SPATA16: variants seen among roughly 807,000 people sequenced by gnomAD.
SPATA16 encodes spermatogenesis-associated protein 16.
SPATA16 carries 36 observed loss-of-function variants against 63.3 expected under a neutral mutation model. That is an observed-to-expected ratio of 0.57 (90% CI 0.44 to 0.75). The LOEUF is 0.75. Ranked by LOEUF, SPATA16 falls within the 30% of genes least tolerant of loss-of-function variation. The pLI is 0.00. For synonymous variants in SPATA16, 203 were observed against 216.7 expected, an observed-to-expected ratio of 0.94 and a Z score of 0.56; for missense variants, 646 against 679.3, an observed-to-expected ratio of 0.95 and a Z score of 0.54.
At chr3:172,900,403 A>T (rs1732104181) in intron 10 of SPATA16, among the ~76,000 whole-genome samples, 1 of 152,152 alleles carries the variant, frequency 6.6e-6, no homozygotes, top group Non-Finnish European at 1.5e-5. Context: ...CTTTGGGCTT[A>T]TCCTAGTTGA....
At chr3:173,070,572 G>A (rs1318837623) in intron 2 of SPATA16, among the ~76,000 whole-genome samples, 1 of 152,056 alleles carries the variant, frequency 6.6e-6, no homozygotes, top group Non-Finnish European at 1.5e-5. Flanking sequence ...AAAATCTAAA[G>A]ATGCCACCAA....
intron 2 of SPATA16, among the ~76,000 whole-genome samples, chr3:173,095,703 AT>A (rs1737334780): frequency 6.6e-6 from 1 of 152,162 alleles, no homozygotes; most frequent in Non-Finnish European, 1.5e-5. Context: ...TTATTTTCCT[AT>A]TTGAAATCCA....
intron 1 of SPATA16, among the ~76,000 whole-genome samples, chr3:173,133,490 G>A (rs1259981788): frequency 6.6e-6 from 1 of 152,200 alleles, no homozygotes; most frequent in East Asian, 1.9e-4. Flanking sequence ...CCCTATCTTA[G>A]TGACTTCCCC....
intron 3 of SPATA16, among the ~76,000 whole-genome samples, chr3:173,023,068 T>A (rs1735370707): frequency 1.3e-5 from 2 of 151,986 alleles, no homozygotes; most frequent in African/African-American, 4.8e-5. Context: ...GTGCTTTTTA[T>A]GATTTCTATT....
intron 4 of SPATA16, among the ~76,000 whole-genome samples, chr3:172,983,398 C>T (rs1734367046): frequency 6.7e-6 from 1 of 148,340 alleles, no homozygotes; most frequent in Non-Finnish European, 1.5e-5. Context: ...TCCTTTTCTT[C>T]CTTCTACAAT....
At chr3:173,073,346 A>G (rs989680270) in intron 2 of SPATA16, among the ~76,000 whole-genome samples, 3 of 152,246 alleles carry the variant, frequency 2.0e-5, no homozygotes, top group Non-Finnish European at 4.4e-5. Context: ...AAATGTCTCC[A>G]GGGCATGTCA....
chr3:172,967,429 C>A (rs965433685), intron 5 of SPATA16, among the ~76,000 whole-genome samples: 7 of 152,142 alleles, frequency 4.6e-5, no homozygotes, highest in Non-Finnish European at 1.0e-4. Context: ...TCAGGGGTCA[C>A]TGAAGATTAA....
chr3:172,985,719 T>G (rs748156471), intron 4 of SPATA16, among the ~76,000 whole-genome samples: 1 of 152,136 alleles, frequency 6.6e-6, no homozygotes, highest in African/African-American at 2.4e-5. Context: ...GGTTTTTTAT[T>G]TGGTTGGGGA....
At chr3:173,054,279 A>C (rs1299959165) in intron 2 of SPATA16, among the ~76,000 whole-genome samples, 1 of 152,196 alleles carries the variant, frequency 6.6e-6, no homozygotes, top group Non-Finnish European at 1.5e-5. Context: ...CAACCCCATT[A>C]CTGGGTATAT....
chr3:173,125,325 A>G (rs904508578), intron 1 of SPATA16, among the ~76,000 whole-genome samples: 3 of 152,120 alleles, frequency 2.0e-5, no homozygotes, highest in Non-Finnish European at 4.4e-5. Context: ...TCTCCTCTCT[A>G]GATTATTGCA....
chr3:173,048,689 G>A (rs1022849561), intron 3 of SPATA16, among the ~76,000 whole-genome samples: 7 of 151,944 alleles, frequency 4.6e-5, no homozygotes, highest in Non-Finnish European at 7.4e-5. Context: ...GTTTCTTCCC[G>A]CAGCAATTTG....
At chr3:172,961,759 A>G (rs1033125398) in intron 5 of SPATA16, among the ~76,000 whole-genome samples, 1 of 152,168 alleles carries the variant, frequency 6.6e-6, no homozygotes, top group African/African-American at 2.4e-5. Flanking sequence ...CTCTAATGTT[A>G]TATTTCACTT....
At chr3:173,084,271 A>T (rs1736994424) in intron 2 of SPATA16, among the ~76,000 whole-genome samples, 1 of 152,164 alleles carries the variant, frequency 6.6e-6, no homozygotes, top group Admixed American at 6.6e-5. Flanking sequence ...ATGATCAGCG[A>T]TGTTGAGCTT....
At chr3:173,018,159 T>A (rs1278569710) in intron 4 of SPATA16, among the ~76,000 whole-genome samples, 1 of 152,210 alleles carries the variant, frequency 6.6e-6, no homozygotes, top group Non-Finnish European at 1.5e-5. Context: ...GTTGTTTGAC[T>A]GCAAAGTGAG....
At chr3:172,906,740 C>CT (rs201940436) in intron 10 of SPATA16, among the ~76,000 whole-genome samples, 14,637 of 151,914 alleles carry the variant, frequency 0.096, 792 homozygotes, top group African/African-American at 0.14. Flanking sequence ...ATACATTTTA[C>CT]TTTTTTATTT....
intron 6 of SPATA16, among the ~76,000 whole-genome samples, chr3:172,931,815 G>A (rs1044904678): frequency 1.3e-5 from 2 of 152,208 alleles, no homozygotes; most frequent in Admixed American, 1.3e-4. Flanking sequence ...TGAAGGGTGA[G>A]TGAAGTAAAA....
At chr3:172,910,771 C>T (rs1345394968) in intron 10 of SPATA16, among the ~76,000 whole-genome samples, 1 of 152,168 alleles carries the variant, frequency 6.6e-6, no homozygotes, top group Non-Finnish European at 1.5e-5. Context: ...TCTCCTTACT[C>T]TATTATACTC....
intron 3 of SPATA16, among the ~76,000 whole-genome samples, chr3:173,030,360 A>T (rs1199328826): frequency 6.6e-6 from 1 of 152,118 alleles, no homozygotes; most frequent in East Asian, 1.9e-4. Context: ...AGAATATATA[A>T]GAAACTTCTT....
At chr3:173,137,336 A>T (rs1738573286) in intron 1 of SPATA16, among the ~76,000 whole-genome samples, 1 of 152,178 alleles carries the variant, frequency 6.6e-6, no homozygotes, top group South Asian at 2.1e-4. Context: ...AAGAATAAAA[A>T]ATATTGCGAA....
Sources: allele counts gnomAD v4.1 joint callset (sites outside exome capture counted in the v4.1 genomes callset), GRCh38; gene constraint gnomAD v4.1.1; transcripts MANE v1.5; gene names NCBI Gene and HGNC (gene_info 2026-07-23, HGNC 2026-07-21).